The following RBMS3 variants were observed in gnomAD, a reference collection of about 807,000 sequenced individuals.
The protein encoded by RBMS3 is RNA-binding motif, single-stranded-interacting protein 3.
Under a neutral mutation model 66.8 loss-of-function variants are expected in RBMS3, and 27 were observed. The ratio of observed to expected loss-of-function variants is 0.40; its 90% CI spans 0.30 to 0.56. The LOEUF (loss-of-function observed/expected upper bound fraction) is 0.56. Among genes scored for constraint, RBMS3 ranks in the 20% least tolerant of loss-of-function variants. RBMS3 has a pLI of 0.40. For missense variants in RBMS3, 513 were observed against 549.5 expected, an observed-to-expected ratio of 0.93 and a Z score of 0.66; for synonymous variants, 188 against 183.0, an observed-to-expected ratio of 1.03 and a Z score of -0.22.
chr3:29,978,267 C>T (rs1697727510), intron 12 of RBMS3, among the ~76,000 whole-genome samples: 1 of 152,172 alleles, frequency 6.6e-6, no homozygotes, highest in Non-Finnish European at 1.5e-5. Context: ...ACAAGACTGT[C>T]ACTTCCTGAG....
chr3:30,004,170 T>C lies in RBMS3; in HGVS notation c.*308T>C, dbSNP rs1699734851. 4.3e-6 allele frequency: 1 copy of C among 234,972 alleles called. No homozygotes were observed. The highest frequency in any genetic ancestry group is 2.3e-5 in the African/African-American group (1 of 44,064). 14.6% of individuals were successfully genotyped at this position (234,972 alleles called of 1,614,324 possible). On this transcript the variant is annotated 3_prime_UTR_variant, in exon 15 of 15. Transcript: ENST00000383767. ...GGTTGATATTTTATGTGGAAGAACATTTGAATTGAATTCAGAATTTTTCTG... is the reference window on the plus strand; with the variant it reads ...GGTTGATATTTTATGTGGAAGAACACTTGAATTGAATTCAGAATTTTTCTG...
intron 4 of RBMS3, among the ~76,000 whole-genome samples, chr3:29,714,989 T>C (rs1364543222): frequency 1.3e-5 from 2 of 151,748 alleles, no homozygotes; most frequent in African/African-American, 2.4e-5. Flanking sequence ...TCATCCCTCA[T>C]AGATAATAGT....
chr3:29,836,946 A>T (rs1449050204), intron 6 of RBMS3, among the ~76,000 whole-genome samples: 1 of 152,016 alleles, frequency 6.6e-6, no homozygotes. Flanking sequence ...TGGTCTGGAC[A>T]ATTTGCCCAT....
At chr3:29,813,375 A>G (rs968762616) in intron 6 of RBMS3, among the ~76,000 whole-genome samples, 6 of 152,160 alleles carry the variant, frequency 3.9e-5, no homozygotes, top group Admixed American at 6.6e-5. Flanking sequence ...TTACTAAGAA[A>G]GTACTGATGC....
At chr3:29,298,981 ATAAT>A (rs2033480490) in intron 1 of RBMS3, among the ~76,000 whole-genome samples, 1 of 151,870 alleles carries the variant, frequency 6.6e-6, no homozygotes, top group East Asian at 2.0e-4. Flanking sequence ...TCAGAAGTTG[ATAAT>A]TTATTTGAGA....
At chr3:29,893,406 T>G (rs1195610190) in intron 8 of RBMS3, among the ~76,000 whole-genome samples, 1 of 151,550 alleles carries the variant, frequency 6.6e-6, no homozygotes, top group Non-Finnish European at 1.5e-5. Context: ...CTTTATTGCT[T>G]TCATTTTTAA....
At chr3:29,980,995 G>C (rs2149782135) in intron 12 of RBMS3, among the ~76,000 whole-genome samples, 1 of 152,250 alleles carries the variant, frequency 6.6e-6, no homozygotes, top group East Asian at 1.9e-4. Flanking sequence ...AATGGGAATA[G>C]CATTGAATCT....
chr3:29,462,905 T>C lies in RBMS3; in HGVS notation c.249-25536T>C, dbSNP rs530544882. ...TCAGTTTTTTAGAGATGATCTTCAG[T>C]CATTCAACAAGTTGGTATTAAATGT... is the stretch of plus-strand genomic sequence containing the variant. On this transcript the variant is annotated intron_variant, in intron 2 of 14. Coordinates refer to ENST00000383767, the MANE Select transcript of RBMS3 (RefSeq NM_001003793.3). Among the ~76,000 whole-genome samples, 328 of 152,368 alleles carry C rather than the reference T, an allele frequency of 2.2e-3. 1 individual carries two copies. Among genetic ancestry groups the C allele is most frequent in the African/African-American group, 7.0e-3 (290 of 41,594 alleles).
chr3:29,813,644 C>CT (rs1280231325), intron 6 of RBMS3, among the ~76,000 whole-genome samples: 2 of 151,946 alleles, frequency 1.3e-5, no homozygotes, highest in Non-Finnish European at 2.9e-5. Context: ...TTTCTATCCT[C>CT]TTTTTTTTCG....
In RBMS3 at chr3:29,730,850, C is replaced by A. The variant is rs180871581; in HGVS notation, c.400-8870C>A. On this transcript the variant is annotated intron_variant, in intron 4 of 14. Transcript: ENST00000383767. ...TATTAAAATAAAACTATAGAGAGATCTCAATATTGTAAAATGTTAATTTAG... is the reference window on the plus strand; with the variant it reads ...TATTAAAATAAAACTATAGAGAGATATCAATATTGTAAAATGTTAATTTAG... The A allele has an allele frequency of 2.3e-4, 227 of 979,622 alleles. 1 individual carries two copies. Among genetic ancestry groups the A allele is most frequent in the Middle Eastern group, 2.1e-3 (4 of 1,902 alleles). The allele number at this position is 979,622 out of a possible 1,614,324, so 60.7% of individuals were successfully genotyped here. A position where few individuals can be genotyped will look rare whatever the true frequency, so the allele number is the denominator to read the frequency against.
At chr3:29,641,658 GT>G (rs1308720933) in intron 4 of RBMS3, among the ~76,000 whole-genome samples, 2 of 152,032 alleles carry the variant, frequency 1.3e-5, no homozygotes, top group African/African-American at 2.4e-5. Context: ...TTGGCCACTT[GT>G]TTTTTTCTCT....
At chr3:29,716,520 ATG>A (rs1273696010) in intron 4 of RBMS3, among the ~76,000 whole-genome samples, 1 of 152,178 alleles carries the variant, frequency 6.6e-6, no homozygotes, top group Non-Finnish European at 1.5e-5. Flanking sequence ...TAAAAATTTG[ATG>A]TGTTTTCCTT....
At position 29,607,570 on chromosome 3, in the gene RBMS3, TG is replaced by T. The variant is rs556143586; in HGVS notation, c.399+20371del. ...AGTTACTATTTCAAAATAAGCATTT[TG>T]GGGGGATGCAACATTCAGACCATAG... On this transcript the variant is annotated intron_variant, in intron 4 of 14. Coordinates refer to ENST00000383767, the MANE Select transcript of RBMS3 (RefSeq NM_001003793.3). Among the ~76,000 whole-genome samples, 17 of 152,090 alleles carry T rather than the reference TG, an allele frequency of 1.1e-4. No homozygotes were observed. In the East Asian group the frequency reaches 2.3e-3, roughly 21 times the overall value.
intron 12 of RBMS3, among the ~76,000 whole-genome samples, chr3:29,971,547 C>CT (rs1340563267): frequency 6.6e-6 from 1 of 151,950 alleles, no homozygotes; most frequent in East Asian, 1.9e-4. Flanking sequence ...AAGAAGCCTG[C>CT]TTTTTTAACG....
intron 3 of RBMS3, among the ~76,000 whole-genome samples, chr3:29,542,550 G>A (rs1034456069): frequency 2.0e-5 from 3 of 152,040 alleles, no homozygotes; most frequent in African/African-American, 4.8e-5. Context: ...TTGTAGGGAC[G>A]GGGTTTCACC....
intron 3 of RBMS3, among the ~76,000 whole-genome samples, chr3:29,503,286 G>A (rs768962871): frequency 2.0e-5 from 3 of 151,864 alleles, no homozygotes; most frequent in Non-Finnish European, 4.4e-5. Flanking sequence ...CCCCATCCAC[G>A]TAGTTTCCTA....
At position 29,730,818 on chromosome 3, in the gene RBMS3, G is replaced by A. The variant is rs1027044650; in HGVS notation, c.400-8902G>A. The stretch of plus-strand genomic sequence containing the variant: ...ACAAAACAATATATATTTGTGATAT[G>A]GTAATATATTAAAATAAAACTATAG... On this transcript the variant is annotated intron_variant, in intron 4 of 14. Coordinates refer to ENST00000383767, the MANE Select transcript of RBMS3 (RefSeq NM_001003793.3). The A allele has an allele frequency of 4.3e-6, 4 of 927,128 alleles. No individual in the cohort carries two copies. The East Asian group carries it at 4.7e-4, about 108-fold the overall frequency. The allele number at this position is 927,128 out of a possible 1,614,324, so 57.4% of individuals were successfully genotyped here. A position where few individuals can be genotyped will look rare whatever the true frequency, so the allele number is the denominator to read the frequency against.
intron 3 of RBMS3, among the ~76,000 whole-genome samples, chr3:29,551,227 A>G (rs1407998811): frequency 2.6e-5 from 4 of 152,226 alleles, no homozygotes; most frequent in Non-Finnish European, 5.9e-5. Context: ...TGATTGACAT[A>G]TAGATCTTTT....
chr3:29,996,252 A>G (rs1006378948), intron 14 of RBMS3, among the ~76,000 whole-genome samples: 3 of 151,862 alleles, frequency 2.0e-5, no homozygotes, highest in Non-Finnish European at 4.4e-5. Flanking sequence ...ATACAGGAGC[A>G]CCAAGATTCA....
Sources: gnomAD v4.1 joint callset for allele counts (sites outside exome capture counted in the v4.1 genomes callset) on GRCh38, gnomAD v4.1.1 for gene constraint, MANE v1.5 for transcripts, NCBI Gene and HGNC (gene_info 2026-07-23, HGNC 2026-07-21) for gene names.